MMP28: variants seen among roughly 807,000 people sequenced by gnomAD.
The protein encoded by MMP28 is matrix metalloproteinase-28.
A neutral mutation model predicts 60.5 loss-of-function variants in MMP28; 55 were observed. That is an observed-to-expected ratio of 0.91 (90% CI 0.73 to 1.14). The LOEUF (loss-of-function observed/expected upper bound fraction) is 1.14. MMP28 is among the 50% of genes most tolerant of loss of function. The pLI is 0.00. For missense variants in MMP28, 686 were observed against 738.3 expected (o/e 0.93, Z 0.82); for synonymous variants, 318 against 312.5 (o/e 1.02, Z -0.18).
At chr17:35,794,245 CTTTTTTT>C (rs749895795) in intron 1 of MMP28, among the ~76,000 whole-genome samples, 2 of 133,624 alleles carry the variant, frequency 1.5e-5, no homozygotes, top group African/African-American at 5.7e-5. Context: ...ATTACAACCA[CTTTTTTT>C]TTTTTTTTTT....
chr17:35,788,584 A>G (rs79224679), intron 1 of MMP28, among the ~76,000 whole-genome samples: 12,348 of 152,148 alleles, frequency 0.081, 756 homozygotes, highest in South Asian at 0.17. Context: ...TTCCACACCC[A>G]GGCTTCTGGG....
At chr17:35,782,775 A>G (rs1479856260) in intron 1 of MMP28, among the ~76,000 whole-genome samples, 2 of 152,126 alleles carry the variant, frequency 1.3e-5, no homozygotes, top group Non-Finnish European at 2.9e-5. Context: ...GGGAATGAAA[A>G]TCTATTCCCA....
intron 1 of MMP28, among the ~76,000 whole-genome samples, chr17:35,792,484 T>C (rs2143635399): frequency 6.6e-6 from 1 of 152,312 alleles, no homozygotes; most frequent in South Asian, 2.1e-4. Flanking sequence ...CCCCAGACAC[T>C]GTAGAATGGA....
chr17:35,794,278 C>T (rs1384622004), intron 1 of MMP28, among the ~76,000 whole-genome samples: 4 of 144,560 alleles, frequency 2.8e-5, no homozygotes, highest in African/African-American at 1.0e-4. Context: ...CAGAGTCTCA[C>T]TCTGTCGCCC....
intron 1 of MMP28, among the ~76,000 whole-genome samples, chr17:35,789,765 A>ATT (rs748679699): frequency 5.0e-5 from 7 of 141,366 alleles, no homozygotes; most frequent in African/African-American, 5.2e-5. Context: ...GCAACATTTA[A>ATT]TTTTTTTTTT....
chr17:35,775,525 C>T lies in MMP28; in HGVS notation c.380-2121G>A, dbSNP rs150199293. On this transcript the variant is annotated intron_variant, in intron 3 of 7. Coordinates refer to ENST00000605424, the MANE Select transcript of MMP28 (RefSeq NM_024302.5). ...TTGCCTGGGCAGAACCCTGGAGTTC[C>T]GACTCCCAGCAGGGAACTGACACTG... Among the ~76,000 whole-genome samples the T allele has an allele frequency of 5.9e-3, 905 of 152,334 alleles. 6 individuals carry two copies. The highest frequency in any genetic ancestry group is 0.021 in the African/African-American group (871 of 41,574).
chr17:35,776,517 T>G (rs2086336090), intron 3 of MMP28, among the ~76,000 whole-genome samples: 1 of 152,182 alleles, frequency 6.6e-6, no homozygotes, highest in Admixed American at 6.5e-5. Context: ...AACTATCTGT[T>G]GTTCATCTGA....
chr17:35,763,137 A>T (rs2085857438), downstream of MMP28, among the ~76,000 whole-genome samples: 1 of 151,996 alleles, frequency 6.6e-6, no homozygotes, highest in Non-Finnish European at 1.5e-5. Context: ...AAAAAAAAAA[A>T]AATGGGATCA....
intron 1 of MMP28, among the ~76,000 whole-genome samples, chr17:35,784,448 G>A (rs1303846667): frequency 6.6e-6 from 1 of 152,156 alleles, no homozygotes; most frequent in Admixed American, 6.5e-5. Flanking sequence ...TCTGTGGAGT[G>A]GAGGCAGATC....
rs1018861680 is a variant in MMP28 at position 35,779,885 on chromosome 17, G to A, written c.112-562C>T. Among the ~76,000 whole-genome samples the A allele has an allele frequency of 2.6e-5, 4 of 152,140 alleles. No individual in the cohort carries two copies. The East Asian group carries it at 5.8e-4, about 22-fold the overall frequency. On this transcript the variant is annotated intron_variant, in intron 1 of 7. Coordinates refer to ENST00000605424, the MANE Select transcript of MMP28 (RefSeq NM_024302.5). ...TATTATAATATGTGTTATGCGTTACGTGCATATACACTATTCATATGCATC... is the reference window on the plus strand; with the variant it reads ...TATTATAATATGTGTTATGCGTTACATGCATATACACTATTCATATGCATC...
chr17:35,778,821 G>T (rs2086407692), intron 3 of MMP28, 67 bp downstream of exon 3: 1 of 1,613,424 alleles, frequency 6.2e-7, no homozygotes, highest in African/African-American at 1.3e-5. Context: ...AGGCTCAGCT[G>T]TTTTCCTAGC....
intron 5 of MMP28, 94 bp downstream of exon 5, chr17:35,769,973 G>A: frequency 7.0e-7 from 1 of 1,422,020 alleles, no homozygotes; most frequent in Non-Finnish European, 9.3e-7. Context: ...ATGAGCTTAG[G>A]ATGGGAAATC....
At chr17:35,775,174 A>G (rs2086289077) in intron 3 of MMP28, among the ~76,000 whole-genome samples, 1 of 152,168 alleles carries the variant, frequency 6.6e-6, no homozygotes. Context: ...GGGAGGATGA[A>G]TAGGAATGGG....
downstream of MMP28, chr17:35,764,349 G>A (rs1439611343): frequency 6.9e-7 from 1 of 1,457,930 alleles, no homozygotes; most frequent in Non-Finnish European, 9.0e-7. Context: ...CCTCGACCGG[G>A]GCACGAGGGA....
chr17:35,762,265 C>T (rs991426891), downstream of MMP28, among the ~76,000 whole-genome samples: 2 of 152,206 alleles, frequency 1.3e-5, no homozygotes, highest in East Asian at 3.8e-4. Flanking sequence ...GCTGGGATTA[C>T]AGGCATGAGC....
chr17:35,781,543 A>G (rs538252616), intron 1 of MMP28, among the ~76,000 whole-genome samples: 10 of 152,336 alleles, frequency 6.6e-5, no homozygotes, highest in East Asian at 5.8e-4. Context: ...CTGTTCTCTC[A>G]GTAATCAAGT....
At chr17:35,770,635 T>C (rs2086103052) in intron 4 of MMP28, among the ~76,000 whole-genome samples, 1 of 152,210 alleles carries the variant, frequency 6.6e-6, no homozygotes, top group Non-Finnish European at 1.5e-5. Flanking sequence ...GCTTAACCTC[T>C]CTATGTCTTA....
chr17:35,780,438 A>T (rs2086464472), intron 1 of MMP28, among the ~76,000 whole-genome samples: 1 of 152,204 alleles, frequency 6.6e-6, no homozygotes, highest in Admixed American at 6.5e-5. Flanking sequence ...TGATATAAAA[A>T]CTTGACTCTC....
At position 35,770,286 on chromosome 17, in the gene MMP28, G is replaced by T; in HGVS notation, c.631C>A (p.Pro211Thr). The change falls in exon 5 of 8, where the codon CCC becomes ACC. Residue 211 changes from proline to threonine, a missense_variant. By Grantham distance (38) the Pro-to-Thr change is conservative. Coordinates refer to ENST00000605424, the MANE Select transcript of MMP28 (RefSeq NM_024302.5). ...TCGAAGTGCGCTTCGCCGCGGCGGG[G>T]CAGGAAGGCGTGCGCCAGGGCGCCC... ...PGGALAHAFL[P>T]RRGEAHFDQD... is the part of the protein sequence containing the mutation. The T allele has an allele frequency of 1.9e-6, 3 of 1,545,698 alleles. No individual in the cohort carries two copies. Among genetic ancestry groups the T allele is most frequent in the Non-Finnish European group, 2.6e-6 (3 of 1,154,290 alleles).
Sources: allele counts gnomAD v4.1 joint callset (sites outside exome capture counted in the v4.1 genomes callset), GRCh38; gene constraint gnomAD v4.1.1; transcripts MANE v1.5; gene names NCBI Gene and HGNC (gene_info 2026-07-23, HGNC 2026-07-21).